The following MGAT5 variants were observed in gnomAD, a reference collection of about 807,000 sequenced individuals.
MGAT5 encodes the protein alpha-1,6-mannosylglycoprotein 6-beta-N-acetylglucosaminyltransferase A.
Under a neutral mutation model 94.3 loss-of-function variants are expected in MGAT5, and 30 were observed. The observed-to-expected ratio is 0.32, with a 90% CI of 0.24 to 0.43. MGAT5 has a LOEUF of 0.43. Ranked by LOEUF, MGAT5 falls within the 20% of genes least tolerant of loss-of-function variation. MGAT5 has a pLI of 1.00. For synonymous variants in MGAT5, 310 were observed against 322.9 expected, an observed-to-expected ratio of 0.96 and a Z score of 0.43; for missense variants, 691 against 905.5, an observed-to-expected ratio of 0.76 and a Z score of 3.04.
At chr2:134,350,259 C>A (rs1679297813) in intron 9 of MGAT5, among the ~76,000 whole-genome samples, 1 of 152,120 alleles carries the variant, frequency 6.6e-6, no homozygotes, top group Non-Finnish European at 1.5e-5. Context: ...ACATTTTATG[C>A]CACATGGATG....
chr2:134,271,881 C>T (rs1684050598), intron 2 of MGAT5, among the ~76,000 whole-genome samples: 1 of 152,192 alleles, frequency 6.6e-6, no homozygotes, highest in Non-Finnish European at 1.5e-5. Flanking sequence ...CTTCAGTCTC[C>T]ACTTGCCACC....
At chr2:134,242,238 G>C (rs956024347) in intron 1 of MGAT5, among the ~76,000 whole-genome samples, 1 of 152,206 alleles carries the variant, frequency 6.6e-6, no homozygotes, top group Non-Finnish European at 1.5e-5. Flanking sequence ...TGCTTTATCA[G>C]AGTTAGATGT....
At chr2:134,237,420 A>G (rs16830256) in intron 1 of MGAT5, among the ~76,000 whole-genome samples, 12,591 of 152,146 alleles carry the variant, frequency 0.083, 584 homozygotes, top group African/African-American at 0.12. Context: ...AAATTTCCAG[A>G]TATAAACCAA....
chr2:134,425,258 G>A (rs796179428), intron 13 of MGAT5, among the ~76,000 whole-genome samples: 1 of 152,174 alleles, frequency 6.6e-6, no homozygotes, highest in East Asian at 1.9e-4. Context: ...AATGGAGACC[G>A]TAAAAGGGTC....
In MGAT5 at chr2:134,233,298, A is replaced by G. The variant is rs566984931; in HGVS notation, c.-142-20964A>G. 7.2e-5 allele frequency among the ~76,000 whole-genome samples: 11 copies of G among 152,336 alleles called. No individual in the cohort carries two copies. The South Asian group carries it at 2.3e-3, about 32-fold the overall frequency. On this transcript the variant is annotated intron_variant, in intron 1 of 16. Transcript: ENST00000409645. The stretch of plus-strand genomic sequence containing the variant: ...GAGAGATGGGGTATTACTATGGGTC[A>G]TAATGAATTCAGTGGAATGGATTTC...
At chr2:134,141,775 T>C (rs1016255884) in intron 1 of MGAT5, among the ~76,000 whole-genome samples, 2 of 152,164 alleles carry the variant, frequency 1.3e-5, no homozygotes, top group African/African-American at 4.8e-5. Context: ...AACTCCAGCA[T>C]TGCTGGCAGC....
intron 1 of MGAT5, among the ~76,000 whole-genome samples, chr2:134,188,381 G>T (rs1357102514): frequency 6.6e-6 from 1 of 152,214 alleles, no homozygotes; most frequent in Admixed American, 6.5e-5. Flanking sequence ...CTGCCATGTG[G>T]CCTTGCACAA....
At chr2:134,191,174 A>C (rs938667865) in intron 1 of MGAT5, among the ~76,000 whole-genome samples, 1 of 152,240 alleles carries the variant, frequency 6.6e-6, no homozygotes, top group Admixed American at 6.5e-5. Flanking sequence ...TTTTATTAGT[A>C]ATAGTTGGTC....
intron 14 of MGAT5, among the ~76,000 whole-genome samples, chr2:134,432,369 A>G (rs1484175466): frequency 6.6e-6 from 1 of 152,198 alleles, no homozygotes; most frequent in Admixed American, 6.5e-5. Context: ...AACTCCAACA[A>G]TGGCTGTGGA....
At chr2:134,171,545 C>T (rs891907250) in intron 1 of MGAT5, among the ~76,000 whole-genome samples, 15 of 152,084 alleles carry the variant, frequency 9.9e-5, no homozygotes, top group African/African-American at 3.6e-4. Context: ...AGACAAATGC[C>T]TCTGGGTGTC....
Position 134,449,021 on chromosome 2 carries a change from T to C in MGAT5, c.*174T>C, listed in dbSNP as rs534190774. 31 of 632,098 alleles carry C rather than the reference T, an allele frequency of 4.9e-5. No individual in the cohort carries two copies. In the East Asian group the frequency reaches 8.5e-4, roughly 17 times the overall value. The allele number at this position is 632,098 out of a possible 1,614,324, so 39.2% of individuals were successfully genotyped here. A position where few individuals can be genotyped will look rare whatever the true frequency, so the allele number is the denominator to read the frequency against. On this transcript the variant is annotated 3_prime_UTR_variant, in exon 16 of 16. Transcript: ENST00000281923. The stretch of plus-strand genomic sequence containing the variant: ...GCACTCCGAGCAACCCAGTGGAGTC[T>C]TCACCAAAACAAAACAAGAGCGTAT...
At chr2:134,304,298 C>T (rs1686201987) in intron 2 of MGAT5, among the ~76,000 whole-genome samples, 1 of 152,146 alleles carries the variant, frequency 6.6e-6, no homozygotes, top group African/African-American at 2.4e-5. Flanking sequence ...CAGTTGCTCT[C>T]CTATCCGGAT....
rs1024601288 is a variant in MGAT5, at chr2:134,452,021, G to A, written c.*3174G>A. Reference sequence around the variant, plus strand: ...ATTTGTTTCCTTGATGTGCCTTTTCGTTTTTCTTTGGGGTTTTTGGAATCC... The same window carrying A: ...ATTTGTTTCCTTGATGTGCCTTTTCATTTTTCTTTGGGGTTTTTGGAATCC... On this transcript the variant is annotated 3_prime_UTR_variant, in exon 16 of 16. Transcript: ENST00000281923. 4 of 152,050 alleles carry A rather than the reference G, an allele frequency of 2.6e-5. No homozygotes were observed. Among genetic ancestry groups the A allele is most frequent in the African/African-American group, 9.7e-5 (4 of 41,370 alleles). 9.4% of individuals were successfully genotyped at this position (152,050 alleles called of 1,614,324 possible).
intron 1 of MGAT5, among the ~76,000 whole-genome samples, chr2:134,197,665 G>A (rs543570122): frequency 6.6e-6 from 1 of 152,218 alleles, no homozygotes; most frequent in Non-Finnish European, 1.5e-5. Context: ...TAAGGAACAT[G>A]TTCAGCTGCT....
chr2:134,224,736 G>A (rs763512823), intron 1 of MGAT5, among the ~76,000 whole-genome samples: 1 of 152,088 alleles, frequency 6.6e-6, no homozygotes, highest in Non-Finnish European at 1.5e-5. Context: ...CTAATAGACC[G>A]TTAGACGCTT....
intron 1 of MGAT5, among the ~76,000 whole-genome samples, chr2:134,197,020 G>A (rs1055208310): frequency 5.9e-5 from 9 of 152,196 alleles, no homozygotes; most frequent in Non-Finnish European, 2.9e-5. Flanking sequence ...CCTTAACACA[G>A]TTCAATGATT....
intron 2 of MGAT5, among the ~76,000 whole-genome samples, chr2:134,283,015 C>T (rs1412007850): frequency 6.6e-6 from 1 of 151,080 alleles, no homozygotes; most frequent in African/African-American, 2.4e-5. Flanking sequence ...GGACCCTTTA[C>T]TGTATCATCT....
chr2:134,324,469 T>C (rs900565163), intron 4 of MGAT5, among the ~76,000 whole-genome samples: 1 of 152,176 alleles, frequency 6.6e-6, no homozygotes, highest in African/African-American at 2.4e-5. Flanking sequence ...TGGCTGAGCA[T>C]GTAATTAACC....
intron 1 of MGAT5, among the ~76,000 whole-genome samples, chr2:134,149,577 G>C (rs1687080571): frequency 6.6e-6 from 1 of 152,164 alleles, no homozygotes; most frequent in Non-Finnish European, 1.5e-5. Flanking sequence ...TATTAACCTA[G>C]TACTTATACC....
Sources: allele counts gnomAD v4.1 joint callset (sites outside exome capture counted in the v4.1 genomes callset), GRCh38; gene constraint gnomAD v4.1.1; transcripts MANE v1.5; gene names NCBI Gene and HGNC (gene_info 2026-07-23, HGNC 2026-07-21).